The following NXPE2 variants were observed in gnomAD, a reference collection of about 807,000 sequenced individuals.
NXPE2 encodes NXPE family member 2.
A neutral mutation model predicts 34.4 loss-of-function variants in NXPE2; 34 were observed. That is an observed-to-expected ratio of 0.99 (90% CI 0.75 to 1.31). The LOEUF (loss-of-function observed/expected upper bound fraction) is 1.31, where lower values mean the gene tolerates loss of function less well. Among genes scored for constraint, NXPE2 ranks in the 40% most tolerant of loss-of-function variants. The probability of loss-of-function intolerance (pLI) is 0.00; values close to 1 mark genes in which losing one functional copy is unlikely to be tolerated. For synonymous variants in NXPE2, 235 were observed against 231.3 expected, an observed-to-expected ratio of 1.02 and a Z score of -0.15; for missense variants, 649 against 672.5, an observed-to-expected ratio of 0.97 and a Z score of 0.39.
chr11:114,759,805 C>A, the NXPE2 span, among the ~76,000 whole-genome samples: 1 of 152,062 alleles, frequency 6.6e-6, no homozygotes, highest in African/African-American at 2.4e-5. Context: ...AAAGATCTTG[C>A]CTTAAGAAAA....
the NXPE2 span, among the ~76,000 whole-genome samples, chr11:114,644,476 T>C: frequency 2.0e-5 from 3 of 152,328 alleles, no homozygotes; most frequent in Admixed American, 6.5e-5. Flanking sequence ...GAGTGTTAAA[T>C]TTTATCAATT....
chr11:114,718,460 A>C, the NXPE2 span, among the ~76,000 whole-genome samples: 1 of 152,214 alleles, frequency 6.6e-6, no homozygotes, highest in Non-Finnish European at 1.5e-5. Context: ...TCATCACTTC[A>C]AGGAGAGAAA....
chr11:114,571,563 A>G, the NXPE2 span: 1 of 1,178,742 alleles, frequency 8.5e-7, no homozygotes, highest in Admixed American at 2.3e-5. Flanking sequence ...TGATTGGTAT[A>G]ATTAAATAAG....
At chr11:114,580,057 T>C in the NXPE2 span, 1 of 1,253,748 alleles carries the variant, frequency 8.0e-7, no homozygotes, top group Non-Finnish European at 1.2e-6. Flanking sequence ...GAATTTCCCA[T>C]ATTCCCTTCT....
chr11:114,632,575 CAT>C, the NXPE2 span, among the ~76,000 whole-genome samples: 96 of 104,362 alleles, frequency 9.2e-4, no homozygotes, highest in African/African-American at 3.5e-3. Context: ...TTACATATAT[CAT>C]ATATTTATTG....
the NXPE2 span, among the ~76,000 whole-genome samples, chr11:114,465,838 T>C: frequency 6.6e-6 from 1 of 152,212 alleles, no homozygotes; most frequent in Non-Finnish European, 1.5e-5. Flanking sequence ...AATGTGATAA[T>C]GTATGAAGAA....
chr11:114,654,121 A>G, the NXPE2 span, among the ~76,000 whole-genome samples: 1 of 152,116 alleles, frequency 6.6e-6, no homozygotes, highest in African/African-American at 2.4e-5. Flanking sequence ...AGTAGACCCC[A>G]CAGTGGCTTT....
chr11:114,792,633 A>G, the NXPE2 span, among the ~76,000 whole-genome samples: 1 of 152,178 alleles, frequency 6.6e-6, no homozygotes, highest in African/African-American at 2.4e-5. Flanking sequence ...ATTTCTATAA[A>G]TCCAAGTTCA....
At chr11:114,742,035 A>G in the NXPE2 span, among the ~76,000 whole-genome samples, 1 of 151,912 alleles carries the variant, frequency 6.6e-6, no homozygotes, top group Non-Finnish European at 1.5e-5. Context: ...TGCCCACTTC[A>G]TACCTCTTGT....
chr11:114,522,841 A>C, the NXPE2 span: 1 of 1,470,764 alleles, frequency 6.8e-7, no homozygotes, highest in Non-Finnish European at 9.5e-7. Context: ...CTTTAAAACC[A>C]GCCTGAATTT....
chr11:114,483,704 G>T, the NXPE2 span, among the ~76,000 whole-genome samples: 1 of 152,104 alleles, frequency 6.6e-6, no homozygotes, highest in Non-Finnish European at 1.5e-5. Context: ...AGTTTAAGCG[G>T]GTATCTTTCA....
At chr11:114,703,679 TA>T (rs1230109565) in intron 3 of NXPE2, among the ~76,000 whole-genome samples, 4 of 32,522 alleles carry the variant, frequency 1.2e-4, no homozygotes, top group South Asian at 9.9e-4. Flanking sequence ...GATAGATAGA[TA>T]GATAGATAGA....
the NXPE2 span, among the ~76,000 whole-genome samples, chr11:114,552,239 A>G: frequency 6.6e-6 from 1 of 152,194 alleles, no homozygotes; most frequent in Non-Finnish European, 1.5e-5. Context: ...TGACTTCCCA[A>G]TTACTGAAGC....
chr11:114,580,421 T>G, the NXPE2 span: 5 of 1,147,346 alleles, frequency 4.4e-6, no homozygotes, highest in Non-Finnish European at 6.5e-6. Flanking sequence ...ATCCTCTAAG[T>G]ATCCTAAGAG....
At chr11:114,599,775 G>A in the NXPE2 span, among the ~76,000 whole-genome samples, 2 of 152,032 alleles carry the variant, frequency 1.3e-5, no homozygotes, top group Admixed American at 1.3e-4. Flanking sequence ...TACCAGTGGG[G>A]GATGGTGCTA....
At chr11:114,787,392 G>A in the NXPE2 span, among the ~76,000 whole-genome samples, 3 of 152,180 alleles carry the variant, frequency 2.0e-5, no homozygotes, top group Non-Finnish European at 4.4e-5. Flanking sequence ...GAACGGGGGA[G>A]CATCACGTTT....
the NXPE2 span, among the ~76,000 whole-genome samples, chr11:114,621,942 C>A: frequency 6.8e-6 from 1 of 147,280 alleles, no homozygotes; most frequent in Non-Finnish European, 1.5e-5. Context: ...ATGGGTAACA[C>A]CTGTTACCCT....
the NXPE2 span, among the ~76,000 whole-genome samples, chr11:114,779,767 G>A: frequency 3.9e-5 from 6 of 152,060 alleles, 1 homozygote; most frequent in South Asian, 4.2e-4. Context: ...GAAAGGACTC[G>A]CTCGCTCAGG....
the NXPE2 span, among the ~76,000 whole-genome samples, chr11:114,669,486 T>C: frequency 2.0e-5 from 3 of 152,214 alleles, no homozygotes; most frequent in Admixed American, 2.0e-4. Flanking sequence ...AGAGGTTCTA[T>C]TCTACCCAAG....
Sources: gnomAD v4.1 joint callset for allele counts (sites outside exome capture counted in the v4.1 genomes callset) on GRCh38, gnomAD v4.1.1 for gene constraint, MANE v1.5 for transcripts, NCBI Gene and HGNC (gene_info 2026-07-23, HGNC 2026-07-21) for gene names.